Variants in IQSEC1 observed in about 807,000 individuals in gnomAD.
The protein encoded by IQSEC1 is IQ motif and Sec7 domain ArfGEF 1.
IQSEC1 carries 31 observed loss-of-function variants against 91.0 expected under a neutral mutation model. That is an observed-to-expected ratio of 0.34 (90% confidence interval 0.26 to 0.46). The LOEUF (loss-of-function observed/expected upper bound fraction) is 0.46. Ranked by LOEUF, IQSEC1 falls within the 20% of genes least tolerant of loss-of-function variation. IQSEC1 has a pLI of 1.00. For synonymous variants in IQSEC1, 699 were observed against 662.6 expected (o/e 1.05, Z -0.84); for missense variants, 1,388 against 1,575.6 (o/e 0.88, Z 2.02).
intron 1 of IQSEC1, among the ~76,000 whole-genome samples, chr3:12,978,517 T>G (rs1259617602): frequency 6.6e-6 from 1 of 151,746 alleles, no homozygotes; most frequent in Non-Finnish European, 1.5e-5. Flanking sequence ...GCCAATACGG[T>G]GAAACCCCGT....
At chr3:13,111,583 A>C (rs1706245285) in intron 2 of IQSEC1, among the ~76,000 whole-genome samples, 1 of 152,160 alleles carries the variant, frequency 6.6e-6, no homozygotes, top group African/African-American at 2.4e-5. Flanking sequence ...GTGTTCCTTT[A>C]GAATTCATAT....
At position 12,935,467 on chromosome 3, in the gene IQSEC1, C is replaced by A. The variant is rs751000548; in HGVS notation, c.1549G>T (p.Gly517Cys). The A allele has an allele frequency of 6.2e-7, 1 of 1,612,302 alleles. No homozygotes were observed. Residue 517 changes from glycine (G) to cysteine (C), a missense_variant, in exon 3 of 14, where the codon GGC (glycine) becomes TGC (cysteine). Gly to Cys is a radical substitution (Grantham distance 159). This residue lies in a region of IQSEC1 where 1,059 missense variants were observed against 1,317.8 expected (regional missense o/e 0.80). Coordinates refer to ENST00000613206, the MANE Select transcript of IQSEC1 (RefSeq NM_001134382.3). This position sits in a 1 kb window ranked among gnomAD's most constrained non-coding sequence, Gnocchi z 8.0. ...ACTCACTTGTTGAAGAGGTTCAGGC[C>A]GATGCGGTAGTGCCTCTTGCGGATG... is the stretch of plus-strand genomic sequence containing the variant. The part of the protein sequence containing the change: ...DVIRKRHYRI[G>C]LNLFNKKPEK...
chr3:12,929,693 C>T (rs1265722817), intron 3 of IQSEC1, among the ~76,000 whole-genome samples: 1 of 152,310 alleles, frequency 6.6e-6, no homozygotes, highest in East Asian at 1.9e-4. Flanking sequence ...ATACCCGTTA[C>T]TCTTTCTTTA....
At chr3:13,145,804 C>CAG (rs1346070836) in intron 2 of IQSEC1, among the ~76,000 whole-genome samples, 1 of 53,070 alleles carries the variant, frequency 1.9e-5, no homozygotes, top group Non-Finnish European at 3.7e-5. Context: ...CGCCCGGGGG[C>CAG]GGGGGGGGGG....
rs530273104 is a variant in IQSEC1 at position 13,062,277 on chromosome 3, G to A, written c.23+10715C>T. 1.6e-4 allele frequency among the ~76,000 whole-genome samples: 24 copies of A among 152,214 alleles called. 1 individual carries two copies. The South Asian group carries it at 4.6e-3, about 29-fold the overall frequency. ...ACGTCCTGAAGCCCAGCCCTGTGCC[G>A]TGAGAATCCAGGGGAGGAAGGGGAC... On this transcript the variant is annotated intron_variant, in intron 1 of 13. Coordinates refer to ENST00000613206, the MANE Select transcript of IQSEC1 (RefSeq NM_001134382.3).
intron 2 of IQSEC1, among the ~76,000 whole-genome samples, chr3:13,157,899 T>G (rs532879430): frequency 6.6e-6 from 1 of 152,334 alleles, no homozygotes; most frequent in East Asian, 1.9e-4. Context: ...TGCTCCGATT[T>G]CATCATGGGG....
At chr3:13,104,880 A>T (rs924321253) in intron 2 of IQSEC1, among the ~76,000 whole-genome samples, 3 of 152,220 alleles carry the variant, frequency 2.0e-5, no homozygotes, top group African/African-American at 7.2e-5. Flanking sequence ...GATGAAGATC[A>T]TGGCTCTCTT....
intron 9 of IQSEC1, 87 bp from the exon 10 acceptor site, chr3:12,911,815 G>C: frequency 1.1e-6 from 1 of 913,770 alleles, no homozygotes; most frequent in Non-Finnish European, 1.8e-6. Flanking sequence ...TCCTCCTGGA[G>C]TTCAAAGTCA....
intron 2 of IQSEC1, among the ~76,000 whole-genome samples, chr3:13,108,034 C>T (rs928833072): frequency 4.3e-5 from 2 of 46,922 alleles, no homozygotes; most frequent in Admixed American, 2.7e-4. Flanking sequence ...TATAAAAAAG[C>T]ATAAAGGAAA....
At chr3:13,170,674 T>A (rs2124999714) in intron 1 of IQSEC1, among the ~76,000 whole-genome samples, 1 of 152,282 alleles carries the variant, frequency 6.6e-6, no homozygotes, top group Middle Eastern at 3.4e-3. Context: ...AATATTTGGG[T>A]CTTTATATCA....
rs776631850 is a variant in IQSEC1, at chr3:12,936,401, C to T, written c.615G>A (p.Glu205=). The stretch of plus-strand genomic sequence containing the variant: ...GGGCCGGAGACTTGAGGGTGGTGGG[C>T]TCGCTGAGGTCACCACACTCAGGGG... The part of the protein sequence containing the change: ...LVSPECGDLS[E]PTTLKSPAPS... Residue 205 remains glutamate, a synonymous_variant, in exon 3 of 14, where the codon GAG becomes GAA. Coordinates refer to ENST00000613206, the MANE Select transcript of IQSEC1 (RefSeq NM_001134382.3). The T allele has an allele frequency of 6.3e-7, 1 of 1,593,480 alleles. No individual in the cohort carries two copies. The highest frequency in any genetic ancestry group is 1.3e-5 in the African/African-American group (1 of 74,482).
intron 2 of IQSEC1, among the ~76,000 whole-genome samples, chr3:13,139,517 A>G (rs940282281): frequency 2.6e-5 from 4 of 152,230 alleles, no homozygotes; most frequent in African/African-American, 9.6e-5. Flanking sequence ...AAACAGTAGT[A>G]CCTGCAGGTC....
chr3:12,939,650 C>T (rs1183623060), intron 2 of IQSEC1, among the ~76,000 whole-genome samples: 1 of 152,164 alleles, frequency 6.6e-6, no homozygotes, highest in Admixed American at 6.5e-5. Flanking sequence ...CTCCCTCTTA[C>T]CTCTTTGGAA....
chr3:13,091,926 G>A (rs1705867974), intron 2 of IQSEC1, among the ~76,000 whole-genome samples: 1 of 152,062 alleles, frequency 6.6e-6, no homozygotes, highest in African/African-American at 2.4e-5. Context: ...AGCTTGGGTG[G>A]GGTCGGGGTG....
intron 2 of IQSEC1, among the ~76,000 whole-genome samples, chr3:13,095,671 G>T (rs1472511208): frequency 1.3e-5 from 2 of 152,098 alleles, no homozygotes; most frequent in Non-Finnish European, 2.9e-5. Context: ...AGGAACTGGC[G>T]CTTGTAAAAG....
At chr3:13,062,638 A>G (rs902946002) in intron 1 of IQSEC1, among the ~76,000 whole-genome samples, 1 of 152,184 alleles carries the variant, frequency 6.6e-6, no homozygotes, top group African/African-American at 2.4e-5. Flanking sequence ...AGAGATGGCC[A>G]GGGGACAGAC....
chr3:13,236,596 C>T (rs1244584450), intron 1 of IQSEC1, among the ~76,000 whole-genome samples: 1 of 152,206 alleles, frequency 6.6e-6, no homozygotes, highest in Non-Finnish European at 1.5e-5. Flanking sequence ...CAGACCCCCT[C>T]TCACTGAGCC....
At chr3:13,102,583 A>G (rs1335871700) in intron 2 of IQSEC1, among the ~76,000 whole-genome samples, 2 of 152,178 alleles carry the variant, frequency 1.3e-5, no homozygotes, top group African/African-American at 4.8e-5. Context: ...GGTTCTCCAC[A>G]GCACTGTCCT....
rs1016135932 is a variant in IQSEC1 at position 12,901,438 on chromosome 3, T to C, written c.2890A>G (p.Asn964Asp). ...AAGGAGCCCAGGAGGGAAGATGAGTTGGGCATAGTCTGGTGTGGGCGAGAT... is the reference window on the plus strand; with the variant it reads ...AAGGAGCCCAGGAGGGAAGATGAGTCGGGCATAGTCTGGTGTGGGCGAGAT... ...CPSRPHQTMP[N>D]SSSLLGSLFG... Residue 964 changes from asparagine (N) to aspartate (D), a missense_variant, in exon 14 of 14, where the codon AAC becomes GAC. Physicochemically the swap from Asn to Asp is conservative, Grantham distance 23. Around this residue, in one of 2 missense-constraint regions of IQSEC1, gnomAD observed 329 missense variants for 257.8 expected, o/e 1.28. Transcript: ENST00000613206. 6.3e-5 allele frequency: 98 copies of C among 1,548,402 alleles called. No individual in the cohort carries two copies. The highest frequency in any genetic ancestry group is 8.1e-5 in the Non-Finnish European group (93 of 1,146,744).
Sources: allele counts gnomAD v4.1 joint callset (sites outside exome capture counted in the v4.1 genomes callset), GRCh38; gene constraint gnomAD v4.1.1; regional missense constraint gnomAD v4.1.1; non-coding constraint Gnocchi (gnomAD v3.1); transcripts MANE v1.5; gene names NCBI Gene and HGNC (gene_info 2026-07-23, HGNC 2026-07-21).